MAP4: variants seen among roughly 807,000 people sequenced by gnomAD.
The protein encoded by MAP4 is microtubule-associated protein 4.
In MAP4, 76 loss-of-function variants were observed where a neutral mutation model predicts 170.2. The ratio of observed to expected loss-of-function variants is 0.45; its 90% CI spans 0.37 to 0.54. The LOEUF (loss-of-function observed/expected upper bound fraction) is 0.54. Ranked by LOEUF, MAP4 falls within the 20% of genes least tolerant of loss-of-function variation. The pLI, the probability that MAP4 is intolerant of heterozygous loss-of-function variation, is 0.00. For synonymous variants in MAP4, 909 were observed against 994.5 expected (o/e 0.91, Z 1.62); for missense variants, 2,506 against 2,748.0 (o/e 0.91, Z 1.97).
chr3:47,885,693 T>C (rs2097467430), intron 10 of MAP4, among the ~76,000 whole-genome samples: 1 of 152,120 alleles, frequency 6.6e-6, no homozygotes, highest in African/African-American at 2.4e-5. Context: ...GGAAAAACCA[T>C]AGCCAACAAC....
At chr3:48,014,957 G>A (rs1316587633) in intron 1 of MAP4, among the ~76,000 whole-genome samples, 1 of 152,114 alleles carries the variant, frequency 6.6e-6, no homozygotes, top group Non-Finnish European at 1.5e-5. Context: ...GGCAACATGG[G>A]AACTTTCAGG....
intron 18 of MAP4, 134 bp downstream of exon 18, chr3:47,857,297 T>C (rs2150120607): frequency 1.4e-6 from 1 of 694,374 alleles, no homozygotes; most frequent in Non-Finnish European, 2.6e-6. Context: ...ATGAGGACTG[T>C]GGTGTCCTGG....
At chr3:48,038,944 A>G (rs1417584090) in intron 1 of MAP4, among the ~76,000 whole-genome samples, 1 of 152,124 alleles carries the variant, frequency 6.6e-6, no homozygotes, top group Non-Finnish European at 1.5e-5. Context: ...TCTACAAAAA[A>G]TACAAAAATT....
intron 19 of MAP4, among the ~76,000 whole-genome samples, chr3:47,853,650 G>A (rs750622616): frequency 2.0e-5 from 3 of 152,214 alleles, no homozygotes; most frequent in Admixed American, 6.5e-5. Flanking sequence ...CCAGGCCTCA[G>A]GCTGGTACCA....
chr3:48,007,399 G>A (rs1013109663), intron 1 of MAP4, among the ~76,000 whole-genome samples: 1 of 152,202 alleles, frequency 6.6e-6, no homozygotes, highest in African/African-American at 2.4e-5. Context: ...TCCTCATTTG[G>A]GTGTATTACT....
chr3:47,947,457 T>C (rs1422287766), intron 3 of MAP4, among the ~76,000 whole-genome samples: 1 of 152,130 alleles, frequency 6.6e-6, no homozygotes, highest in Non-Finnish European at 1.5e-5. Flanking sequence ...CTCTGCCTCA[T>C]TTCCTCTTAG....
At chr3:47,963,515 C>T (rs2100072939) in intron 3 of MAP4, among the ~76,000 whole-genome samples, 1 of 152,218 alleles carries the variant, frequency 6.6e-6, no homozygotes, top group Non-Finnish European at 1.5e-5. Flanking sequence ...TAAACAAATT[C>T]ATGACAGATA....
At chr3:48,045,258 C>CA (rs34377968) in intron 1 of MAP4, among the ~76,000 whole-genome samples, 65,679 of 102,056 alleles carry the variant, frequency 0.64, 20,019 homozygotes, top group East Asian at 0.73. Flanking sequence ...GACTCAGTCT[C>CA]AAAAAAAAAA....
At chr3:47,995,275 G>T (rs1578992583) in intron 2 of MAP4, among the ~76,000 whole-genome samples, 2 of 131,228 alleles carry the variant, frequency 1.5e-5, no homozygotes, top group South Asian at 4.7e-4. Flanking sequence ...TTTTGAGACA[G>T]AGTCTCGTTC....
intron 3 of MAP4, among the ~76,000 whole-genome samples, chr3:47,965,593 C>T (rs1208709752): frequency 6.6e-6 from 1 of 152,188 alleles, no homozygotes; most frequent in Non-Finnish European, 1.5e-5. Context: ...TACTAGCCAT[C>T]CTAATGAGTA....
intron 4 of MAP4, among the ~76,000 whole-genome samples, chr3:47,923,714 G>T (rs1005236536): frequency 2.0e-5 from 3 of 152,102 alleles, no homozygotes; most frequent in Non-Finnish European, 4.4e-5. Context: ...TACTCGGAAG[G>T]CTGAGGTGGG....
intron 9 of MAP4, among the ~76,000 whole-genome samples, chr3:47,905,811 T>C (rs1275690658): frequency 5.3e-5 from 8 of 151,650 alleles, no homozygotes; most frequent in East Asian, 1.9e-4. Context: ...CTGGCCAACA[T>C]AGTGAAACCC....
chr3:48,045,339 A>G (rs749487769), intron 1 of MAP4, among the ~76,000 whole-genome samples: 1 of 152,230 alleles, frequency 6.6e-6, no homozygotes, highest in African/African-American at 2.4e-5. Flanking sequence ...AAGAACAGGA[A>G]AACTAATCAT....
chr3:47,866,334 TCAAAACAAAAA>T (rs1184234967), intron 17 of MAP4, among the ~76,000 whole-genome samples: 10 of 141,442 alleles, frequency 7.1e-5, no homozygotes, highest in African/African-American at 2.6e-4. Context: ...GAACTCTGTA[TCAAAACAAAAA>T]CAAAACAAAC....
chr3:47,941,701 T>C (rs150657016), intron 3 of MAP4, among the ~76,000 whole-genome samples: 185 of 150,716 alleles, frequency 1.2e-3, no homozygotes, highest in African/African-American at 4.3e-3. Context: ...GCAGGAGGAC[T>C]GTTTGAACCC....
rs1420866278 is a variant in MAP4, at chr3:47,916,225, T to A, written c.1602A>T (p.Val534=). Residue 534 remains valine, a synonymous_variant, in exon 7 of 21, where the codon GTA becomes GTT. Coordinates refer to ENST00000683076, the MANE Select transcript of MAP4 (RefSeq NM_001385682.1). ...CCACCTCCATTTCTGGAGGCAGACATACGTTCTTGATGAGAACTACTTCTG... is the reference window on the plus strand; with the variant it reads ...CCACCTCCATTTCTGGAGGCAGACAAACGTTCTTGATGAGAACTACTTCTG... ...PETEVVLIKN[V]CLPPEMEVAL... 1 of 1,614,102 alleles carries A rather than the reference T, an allele frequency of 6.2e-7. No individual in the cohort carries two copies. Among genetic ancestry groups the A allele is most frequent in the Non-Finnish European group, 8.5e-7 (1 of 1,180,054 alleles).
At chr3:47,887,367 G>T (rs556302618) in intron 10 of MAP4, among the ~76,000 whole-genome samples, 1 of 152,356 alleles carries the variant, frequency 6.6e-6, no homozygotes, top group East Asian at 1.9e-4. Context: ...GCTGCAGAGG[G>T]TGTACTGAGT....
At chr3:48,066,994 C>T (rs936710975) in intron 1 of MAP4, among the ~76,000 whole-genome samples, 5 of 151,872 alleles carry the variant, frequency 3.3e-5, no homozygotes, top group African/African-American at 1.2e-4. Flanking sequence ...GCGCCCATCA[C>T]CACGCCCGGC....
At chr3:48,059,064 C>T (rs2154556581) in intron 1 of MAP4, among the ~76,000 whole-genome samples, 3 of 152,006 alleles carry the variant, frequency 2.0e-5, no homozygotes, top group Admixed American at 2.0e-4. Flanking sequence ...CAGGTGTGAG[C>T]CACCGTGCCC....
Sources: allele counts gnomAD v4.1 joint callset (sites outside exome capture counted in the v4.1 genomes callset), GRCh38; gene constraint gnomAD v4.1.1; transcripts MANE v1.5; gene names NCBI Gene and HGNC (gene_info 2026-07-23, HGNC 2026-07-21).